Variants in MGRN1 observed in about 807,000 individuals in gnomAD.
MGRN1 encodes E3 ubiquitin-protein ligase MGRN1.
A neutral mutation model predicts 69.2 loss-of-function variants in MGRN1; 29 were observed. The observed-to-expected ratio is 0.42, with a 90% CI of 0.31 to 0.57. MGRN1 has a LOEUF of 0.57. MGRN1 is among the 20% of genes least tolerant of loss of function. The pLI is 0.15. For missense variants in MGRN1, 998 were observed against 796.2 expected, an observed-to-expected ratio of 1.25 and a Z score of -3.05; for synonymous variants, 470 against 344.2, an observed-to-expected ratio of 1.37 and a Z score of -4.04.
At chr16:4,687,282 G>C in intron 16 of MGRN1, 2 of 985,382 alleles carry the variant, frequency 2.0e-6, no homozygotes, top group Non-Finnish European at 2.4e-6. Context: ...CCAGGCAGTG[G>C]TTCGCACCTA....
chr16:4,638,811 G>T (rs2078089687), intron 1 of MGRN1, among the ~76,000 whole-genome samples: 1 of 152,226 alleles, frequency 6.6e-6, no homozygotes, highest in South Asian at 2.1e-4. Context: ...AGCCCCTGCA[G>T]ACACCTCGTG....
intron 5 of MGRN1, among the ~76,000 whole-genome samples, chr16:4,657,904 G>T (rs1025453146): frequency 6.6e-6 from 1 of 151,578 alleles, no homozygotes; most frequent in South Asian, 2.1e-4. Flanking sequence ...CACCACGCCC[G>T]GCTAATTTTT....
chr16:4,636,630 G>T (rs943220614), intron 1 of MGRN1, among the ~76,000 whole-genome samples: 1 of 152,122 alleles, frequency 6.6e-6, no homozygotes, highest in Non-Finnish European at 1.5e-5. Flanking sequence ...CAAGGGTGTT[G>T]GTCGCTCTGC....
chr16:4,687,267 T>C (rs1245674310), intron 16 of MGRN1: 3 of 985,218 alleles, frequency 3.0e-6, no homozygotes, highest in East Asian at 2.3e-4. Context: ...AGAAGGCGGC[T>C]CTGTCCAGGC....
At chr16:4,686,023 C>T (rs1471543688) in intron 16 of MGRN1, among the ~76,000 whole-genome samples, 1 of 152,268 alleles carries the variant, frequency 6.6e-6, no homozygotes. Flanking sequence ...CCCTAGGCTG[C>T]GGCAGCGGGA....
intron 5 of MGRN1, among the ~76,000 whole-genome samples, chr16:4,661,405 G>T (rs147150598): frequency 0.021 from 3,146 of 152,336 alleles, 58 homozygotes; most frequent in Middle Eastern, 0.034. Context: ...AGGAGGCTGG[G>T]TCGGCTCCTG....
intron 1 of MGRN1, among the ~76,000 whole-genome samples, chr16:4,625,938 C>G (rs557878115): frequency 6.6e-6 from 1 of 152,216 alleles, no homozygotes; most frequent in Non-Finnish European, 1.5e-5. Flanking sequence ...GATCTGATGT[C>G]TCAGTCTCCT....
chr16:4,671,164 C>T (rs1359967027), intron 8 of MGRN1, among the ~76,000 whole-genome samples: 2 of 152,010 alleles, frequency 1.3e-5, no homozygotes, highest in African/African-American at 4.8e-5. Context: ...TTCAGGCCCC[C>T]AGTAGTGGGG....
At position 4,624,999 on chromosome 16, in the gene MGRN1, G is replaced by A. The variant is rs768632394; in HGVS notation, c.39G>A (p.Glu13=). The part of the protein sequence containing the change: ...SILSRRIAGV[E]DIDIQANSAY... ...TCAGCCGCCGCATCGCGGGGGTGGA[G>A]GACATCGACATCCAGGCGAACTCGG... The change falls in exon 1 of 17, where the codon GAG becomes GAA. Residue 13 remains glutamate (E), a synonymous_variant. Transcript: ENST00000262370. The A allele has an allele frequency of 1.3e-6, 2 of 1,560,794 alleles. No individual in the cohort carries two copies. Among genetic ancestry groups the A allele is most frequent in the Admixed American group, 3.7e-5 (2 of 53,966 alleles).
At position 4,673,651 on chromosome 16, in the gene MGRN1, C is replaced by T. The variant is rs1485279043; in HGVS notation, c.949C>T (p.Arg317Trp). Reference protein sequence around the residue: ...RYQANNCPICRLPFRALLQIR... With the variant: ...RYQANNCPICWLPFRALLQIR... Reference sequence around the variant, plus strand: ...CCAGGCCAACAACTGCCCCATCTGCCGGCTGCGTGAGTTCCCCGGCCGGCT... The same window carrying T: ...CCAGGCCAACAACTGCCCCATCTGCTGGCTGCGTGAGTTCCCCGGCCGGCT... The change falls in exon 10 of 17, where the codon CGG becomes TGG. Residue 317 changes from arginine to tryptophan, a missense_variant. Coordinates refer to ENST00000262370, the MANE Select transcript of MGRN1 (RefSeq NM_015246.4). 2 of 1,612,892 alleles carry T rather than the reference C, an allele frequency of 1.2e-6. No homozygotes were observed. Among genetic ancestry groups the T allele is most frequent in the Non-Finnish European group, 1.7e-6 (2 of 1,179,682 alleles).
chr16:4,689,191 T>C lies in MGRN1; in HGVS notation c.*283T>C, dbSNP rs1596325527. 1.6e-5 allele frequency: 6 copies of C among 376,444 alleles called. No individual in the cohort carries two copies. Among genetic ancestry groups the C allele is most frequent in the Non-Finnish European group, 2.8e-5 (6 of 211,948 alleles). The allele number at this position is 376,444 out of a possible 1,614,324, so 23.3% of individuals were successfully genotyped here. A position where few individuals can be genotyped will look rare whatever the true frequency, so the allele number is the denominator to read the frequency against. On this transcript the variant is annotated 3_prime_UTR_variant, in exon 17 of 17. Transcript: ENST00000262370. ...CCCAGGGTCCTGTGGGCTGAGCGGCTGGGGCTGGGGCTGCCCACGTGTGGC... is the reference window on the plus strand; with the variant it reads ...CCCAGGGTCCTGTGGGCTGAGCGGCCGGGGCTGGGGCTGCCCACGTGTGGC...
rs368422683 is a variant in MGRN1, at chr16:4,683,293, C to G, written c.1528+24C>G. 12 of 1,613,066 alleles carry G rather than the reference C, an allele frequency of 7.4e-6. No homozygotes were observed. The African/African-American group carries it at 9.3e-5, about 13-fold the overall frequency. On this transcript the variant is annotated intron_variant, in intron 15 of 16. Transcript: ENST00000262370. ...AGGTGAGCGCCTCCTTCCATGGGCA[C>G]AAACCGCATGCAGGGACCAGGCAGC...
At chr16:4,659,338 T>C (rs2078623984) in intron 5 of MGRN1, among the ~76,000 whole-genome samples, 1 of 151,584 alleles carries the variant, frequency 6.6e-6, no homozygotes, top group African/African-American at 2.4e-5. Flanking sequence ...GAGTGGGAGT[T>C]TGGGAGGTGT....
In MGRN1 at chr16:4,643,910, A is replaced by T. The variant is rs374272583; in HGVS notation, c.89-6455A>T. 2.6e-5 allele frequency among the ~76,000 whole-genome samples: 4 copies of T among 152,194 alleles called. No homozygotes were observed. In the East Asian group the frequency reaches 7.7e-4, roughly 29 times the overall value. On this transcript the variant is annotated intron_variant, in intron 1 of 16. Coordinates refer to ENST00000262370, the MANE Select transcript of MGRN1 (RefSeq NM_015246.4). ...GGTTCCTTTTTCTCCTGGTTAATTCATGCATTCACAGTTGGATACAAGCTG... is the reference window on the plus strand; with the variant it reads ...GGTTCCTTTTTCTCCTGGTTAATTCTTGCATTCACAGTTGGATACAAGCTG...
In MGRN1 at chr16:4,682,923, C is replaced by T; in HGVS notation, c.1459C>T (p.Leu487=). ...PPPLGGAELA[L]RESSSPESFI... is the part of the protein sequence containing the mutation. ...CCCACTGGGTGGCGCAGAGCTGGCCCTGCGGGAAAGCAGCTCCCCTGAGGT... is the reference window on the plus strand; with the variant it reads ...CCCACTGGGTGGCGCAGAGCTGGCCTTGCGGGAAAGCAGCTCCCCTGAGGT... Residue 487 remains leucine (L), a synonymous_variant, in exon 14 of 17, where the codon CTG becomes TTG. Transcript: ENST00000262370. 2 of 1,598,960 alleles carry T rather than the reference C, an allele frequency of 1.3e-6. No individual in the cohort carries two copies. The highest frequency in any genetic ancestry group is 1.1e-5 in the South Asian group (1 of 89,986).
chr16:4,689,187 C>CGGCTGG lies in MGRN1; in HGVS notation c.*291_*296dup, dbSNP rs752025997. On this transcript the variant is annotated 3_prime_UTR_variant, in exon 17 of 17. Transcript: ENST00000262370. ...GTTCCCCAGGGTCCTGTGGGCTGAG[C>CGGCTGG]GGCTGGGGCTGGGGCTGCCCACGTG... The CGGCTGG allele has an allele frequency of 9.9e-6, 4 of 402,418 alleles. No individual in the cohort carries two copies. Among genetic ancestry groups the CGGCTGG allele is most frequent in the South Asian group, 1.3e-4 (2 of 15,834 alleles). 24.9% of individuals were successfully genotyped at this position (402,418 alleles called of 1,614,324 possible).
chr16:4,660,349 G>A lies in MGRN1; in HGVS notation c.561+2986G>A, dbSNP rs141200719. 4.0e-3 allele frequency among the ~76,000 whole-genome samples: 612 copies of A among 152,340 alleles called. 7 individuals carry two copies. The highest frequency in any genetic ancestry group is 0.014 in the African/African-American group (571 of 41,562). On this transcript the variant is annotated intron_variant, in intron 5 of 16. Transcript: ENST00000262370. ...CATGCAAAGGGCTTTACCTGGAGCCGCCCACTGTAAACCCGTCTGCCAGCC... is the reference window on the plus strand; with the variant it reads ...CATGCAAAGGGCTTTACCTGGAGCCACCCACTGTAAACCCGTCTGCCAGCC...
intron 1 of MGRN1, among the ~76,000 whole-genome samples, chr16:4,646,732 G>A (rs1262218188): frequency 6.6e-6 from 1 of 152,262 alleles, no homozygotes; most frequent in East Asian, 1.9e-4. Context: ...CGGCCGGGAG[G>A]TGAGATGCGC....
intron 12 of MGRN1, chr16:4,680,362 C>CT (rs928814595): frequency 2.1e-4 from 96 of 453,822 alleles, no homozygotes; most frequent in Non-Finnish European, 2.7e-4. Context: ...TGCCGTTTCC[C>CT]TTTTTTTTCT....
Sources: gnomAD v4.1 joint callset for allele counts (sites outside exome capture counted in the v4.1 genomes callset) on GRCh38, gnomAD v4.1.1 for gene constraint, MANE v1.5 for transcripts, NCBI Gene and HGNC (gene_info 2026-07-23, HGNC 2026-07-21) for gene names.